FYB1: variants seen among roughly 807,000 people sequenced by gnomAD.
FYB1 encodes FYN binding protein 1.
A neutral mutation model predicts 94.1 loss-of-function variants in FYB1; 41 were observed. That is an observed-to-expected ratio of 0.44 (90% CI 0.34 to 0.57). FYB1 has a LOEUF of 0.57. Among genes scored for constraint, FYB1 ranks in the 20% least tolerant of loss-of-function variants. The probability of loss-of-function intolerance (pLI) is 0.02; values close to 1 mark genes in which losing one functional copy is unlikely to be tolerated. For synonymous variants in FYB1, 367 were observed against 353.2 expected (o/e 1.04, Z -0.44); for missense variants, 1,050 against 976.8 (o/e 1.07, Z -1.00).
At chr5:39,121,769 A>T (rs1004352376) in intron 14 of FYB1, among the ~76,000 whole-genome samples, 5 of 152,266 alleles carry the variant, frequency 3.3e-5, no homozygotes, top group East Asian at 1.9e-4. Context: ...CCTAAAATTA[A>T]TTTTTTTAAG....
chr5:39,249,266 G>C lies in FYB1; in HGVS notation c.-28+25137C>G, dbSNP rs540317578. 3.9e-5 allele frequency among the ~76,000 whole-genome samples: 6 copies of C among 152,298 alleles called. No individual in the cohort carries two copies. The South Asian group carries it at 1.2e-3, about 32-fold the overall frequency. ...ATGAAGTTCTGACTTTATCCACTAG[G>C]CCAGATGTCAGCAAACATTTTCTGT... is the stretch of plus-strand genomic sequence containing the variant. On this transcript the variant is annotated intron_variant, in intron 1 of 1. Transcript: ENST00000510188.
At chr5:39,113,999 T>A (rs898215153) in intron 16 of FYB1, among the ~76,000 whole-genome samples, 1 of 152,090 alleles carries the variant, frequency 6.6e-6, no homozygotes, top group Non-Finnish European at 1.5e-5. Flanking sequence ...CTCTAAATTT[T>A]AAAAATTTTC....
chr5:39,227,592 A>G (rs1159322075), intron 1 of FYB1, among the ~76,000 whole-genome samples: 2 of 152,238 alleles, frequency 1.3e-5, no homozygotes, highest in East Asian at 1.9e-4. Flanking sequence ...TTTAAAAATG[A>G]TAAAATATAA....
intron 6 of FYB1, 155 bp from the exon 7 acceptor site, chr5:39,137,875 G>T: frequency 1.1e-6 from 1 of 941,536 alleles, no homozygotes; most frequent in Non-Finnish European, 1.6e-6. Flanking sequence ...GAATGTGTGA[G>T]ATTATTTTTA....
At chr5:39,261,136 T>A (rs915541517) in intron 1 of FYB1, among the ~76,000 whole-genome samples, 1 of 151,108 alleles carries the variant, frequency 6.6e-6, no homozygotes, top group African/African-American at 2.4e-5. Context: ...TGAGAACATA[T>A]GGACACAGGG....
chr5:39,172,520 T>C (rs1037891461), intron 2 of FYB1, among the ~76,000 whole-genome samples: 2 of 152,142 alleles, frequency 1.3e-5, no homozygotes, highest in African/African-American at 4.8e-5. Flanking sequence ...CATGGGTGTA[T>C]TGTGTGACAC....
chr5:39,215,186 T>C lies in FYB1; in HGVS notation c.-28+4257A>G, dbSNP rs146365562. ...AATGGTTAAAATGGCACATTTTATA[T>C]TATGTATATTTTACCATAATTAAAA... On this transcript the variant is annotated intron_variant, in intron 1 of 18. Transcript: ENST00000512982. Among the ~76,000 whole-genome samples the C allele has an allele frequency of 1.2e-3, 181 of 152,332 alleles. 1 individual carries two copies. Among genetic ancestry groups the C allele is most frequent in the African/African-American group, 4.1e-3 (171 of 41,578 alleles).
chr5:39,211,506 A>G (rs1346552579), intron 1 of FYB1, among the ~76,000 whole-genome samples: 1 of 151,926 alleles, frequency 6.6e-6, no homozygotes, highest in Non-Finnish European at 1.5e-5. Context: ...TATTTTTAGC[A>G]GAGACAGGGT....
chr5:39,267,762 A>G (rs1752493742), intron 1 of FYB1, among the ~76,000 whole-genome samples: 1 of 152,264 alleles, frequency 6.6e-6, no homozygotes, highest in Non-Finnish European at 1.5e-5. Flanking sequence ...TATAGTAAGA[A>G]ACTTAAAGTA....
intron 3 of FYB1, among the ~76,000 whole-genome samples, chr5:39,153,029 T>C (rs1743381926): frequency 6.6e-6 from 1 of 152,246 alleles, no homozygotes; most frequent in Admixed American, 6.5e-5. Flanking sequence ...AATAAGGTTA[T>C]AGAGATGATA....
At chr5:39,201,125 G>A (rs894560781) in intron 2 of FYB1, among the ~76,000 whole-genome samples, 2 of 152,186 alleles carry the variant, frequency 1.3e-5, no homozygotes, top group African/African-American at 2.4e-5. Flanking sequence ...TAGCTAAAAT[G>A]TGAAACACAA....
At chr5:39,205,488 C>G (rs1748760416) in intron 1 of FYB1, among the ~76,000 whole-genome samples, 1 of 152,162 alleles carries the variant, frequency 6.6e-6, no homozygotes, top group African/African-American at 2.4e-5. Flanking sequence ...GTTAGTCATT[C>G]TGTAGTCCCT....
intron 2 of FYB1, among the ~76,000 whole-genome samples, chr5:39,163,558 T>C (rs1461448579): frequency 1.3e-5 from 2 of 152,226 alleles, no homozygotes; most frequent in Admixed American, 1.3e-4. Flanking sequence ...AGTTAAAAAT[T>C]CACCTCCCCA....
intron 1 of FYB1, among the ~76,000 whole-genome samples, chr5:39,247,869 G>C (rs2150603308): frequency 1.1e-5 from 1 of 92,892 alleles, no homozygotes; most frequent in South Asian, 3.8e-4. Context: ...TTTTTTCTTG[G>C]CTTTGGGCTT....
At chr5:39,242,995 A>T (rs10067816) in intron 1 of FYB1, among the ~76,000 whole-genome samples, 25,310 of 150,772 alleles carry the variant, frequency 0.17, 5,619 homozygotes, top group African/African-American at 0.49. Context: ...TTGTTTGTTT[A>T]TTTCTTGTAA....
chr5:39,193,919 CA>C (rs1747591059), intron 2 of FYB1, among the ~76,000 whole-genome samples: 2 of 152,204 alleles, frequency 1.3e-5, no homozygotes, highest in Admixed American at 1.3e-4. Flanking sequence ...GAGGGGAAGG[CA>C]AATTTATCAC....
chr5:39,167,657 C>T (rs1262477478), intron 2 of FYB1, among the ~76,000 whole-genome samples: 1 of 152,060 alleles, frequency 6.6e-6, no homozygotes, highest in South Asian at 2.1e-4. Flanking sequence ...TAAGCATCTA[C>T]TTGTGCTTTT....
chr5:39,251,778 G>A (rs261742), intron 1 of FYB1, among the ~76,000 whole-genome samples: 95,753 of 151,786 alleles, frequency 0.63, 33,913 homozygotes, highest in Non-Finnish European at 0.79. Flanking sequence ...ATGAGGGAAG[G>A]AATGAGGGAC....
At chr5:39,123,850 C>T (rs1202004451) in intron 13 of FYB1, among the ~76,000 whole-genome samples, 1 of 151,852 alleles carries the variant, frequency 6.6e-6, no homozygotes, top group Non-Finnish European at 1.5e-5. Context: ...ATAAACTATC[C>T]ATTTAAATAT....
Sources: allele counts gnomAD v4.1 joint callset (sites outside exome capture counted in the v4.1 genomes callset), GRCh38; gene constraint gnomAD v4.1.1; transcripts MANE v1.5; gene names NCBI Gene and HGNC (gene_info 2026-07-23, HGNC 2026-07-21).